The following LHX8 variants were observed in gnomAD, a reference collection of about 807,000 sequenced individuals.
The protein encoded by LHX8 is LIM homeobox 8.
LHX8 carries 12 observed loss-of-function variants against 40.3 expected under a neutral mutation model. The ratio of observed to expected loss-of-function variants is 0.30; its 90% CI spans 0.19 to 0.48. The LOEUF (loss-of-function observed/expected upper bound fraction) is 0.48, where lower values mean the gene tolerates loss of function less well. Among genes scored for constraint, LHX8 ranks in the 20% least tolerant of loss-of-function variants. The pLI is 0.99. For missense variants in LHX8, 344 were observed against 433.7 expected (o/e 0.79, Z 1.84); for synonymous variants, 179 against 162.0 (o/e 1.10, Z -0.80).
rs370428970 is a variant in LHX8 at position 75,157,027 on chromosome 1, C to T, written c.915C>T (p.Tyr305=). 3.8e-5 allele frequency: 62 copies of T among 1,614,046 alleles called. No homozygotes were observed. The highest frequency in any genetic ancestry group is 2.2e-4 in the South Asian group (20 of 91,084). Residue 305 remains tyrosine, a synonymous_variant, in exon 8 of 9, where the codon TAC becomes TAT. Coordinates refer to ENST00000356261, the MANE Select transcript of LHX8 (RefSeq NM_001256114.2). ...TAGAAGAAATGGCTTATTCTGCCTACGTGCCCCAAGATGGAACGATGTTAA... is the reference window on the plus strand; with the variant it reads ...TAGAAGAAATGGCTTATTCTGCCTATGTGCCCCAAGATGGAACGATGTTAA... ...PMLEEMAYSA[Y]VPQDGTMLTA... is the part of the protein sequence containing the mutation.
intron 7 of LHX8, among the ~76,000 whole-genome samples, chr1:75,152,423 A>G (rs1411560847): frequency 6.6e-6 from 1 of 152,166 alleles, no homozygotes; most frequent in Non-Finnish European, 1.5e-5. Context: ...GTGAATTATG[A>G]TTTTTATGTT....
chr1:75,163,274 A>G (rs1043459284), downstream of LHX8, among the ~76,000 whole-genome samples: 5 of 152,166 alleles, frequency 3.3e-5, no homozygotes, highest in Non-Finnish European at 7.4e-5. Context: ...TGTTACAGTC[A>G]TCTGAAAGCT....
downstream of LHX8, among the ~76,000 whole-genome samples, chr1:75,166,205 T>A (rs987657924): frequency 2.0e-5 from 3 of 152,200 alleles, no homozygotes; most frequent in Non-Finnish European, 4.4e-5. Context: ...AGGTGGAGCA[T>A]CTATGCTGCT....
the LHX8 span, among the ~76,000 whole-genome samples, chr1:75,187,454 A>C: frequency 1.3e-5 from 2 of 152,234 alleles, no homozygotes; most frequent in Non-Finnish European, 2.9e-5. Context: ...TGTCCGCAGC[A>C]TACAGGGTAT....
the LHX8 span, among the ~76,000 whole-genome samples, chr1:75,182,279 T>C: frequency 7.2e-5 from 11 of 152,182 alleles, no homozygotes; most frequent in East Asian, 1.9e-4. Flanking sequence ...TTTATGTTTT[T>C]GTTTGCTTTG....
At chr1:75,180,011 A>T in the LHX8 span, among the ~76,000 whole-genome samples, 1 of 152,184 alleles carries the variant, frequency 6.6e-6, no homozygotes, top group African/African-American at 2.4e-5. Context: ...AATGTTGAAT[A>T]TTGGCCCCTA....
At chr1:75,183,439 A>G in the LHX8 span, among the ~76,000 whole-genome samples, 1 of 152,170 alleles carries the variant, frequency 6.6e-6, no homozygotes, top group African/African-American at 2.4e-5. Flanking sequence ...CTCAGCGGAA[A>G]CCTTACAAGC....
the LHX8 span, among the ~76,000 whole-genome samples, chr1:75,185,906 C>A: frequency 6.6e-6 from 1 of 152,060 alleles, no homozygotes; most frequent in Admixed American, 6.6e-5. Context: ...CAATAATAGC[C>A]AAGCCAAGAG....
At chr1:75,167,696 A>C in the LHX8 span, among the ~76,000 whole-genome samples, 1 of 152,172 alleles carries the variant, frequency 6.6e-6, no homozygotes, top group African/African-American at 2.4e-5. Flanking sequence ...TAGAGACCCT[A>C]GACTATTCAT....
chr1:75,138,350 G>A (rs1648211278), intron 3 of LHX8, among the ~76,000 whole-genome samples: 1 of 152,152 alleles, frequency 6.6e-6, no homozygotes, highest in Non-Finnish European at 1.5e-5. Context: ...GTTTCTTTAA[G>A]TTTCTACCTC....
At chr1:75,190,113 A>C in the LHX8 span, among the ~76,000 whole-genome samples, 5 of 152,300 alleles carry the variant, frequency 3.3e-5, no homozygotes, top group African/African-American at 1.2e-4. Context: ...CAGATGAGAT[A>C]ATGGCTAACT....
At chr1:75,155,501 T>A (rs906051653) in intron 7 of LHX8, among the ~76,000 whole-genome samples, 59 of 152,252 alleles carry the variant, frequency 3.9e-4, no homozygotes, top group African/African-American at 1.4e-3. Context: ...CCCAAAGTGC[T>A]GGGATTACAG....
chr1:75,193,183 G>A, the LHX8 span, among the ~76,000 whole-genome samples: 1 of 152,068 alleles, frequency 6.6e-6, no homozygotes, highest in Non-Finnish European at 1.5e-5. Context: ...AGCCCAACCT[G>A]TTTCCCTCCT....
the LHX8 span, among the ~76,000 whole-genome samples, chr1:75,195,034 C>A: frequency 6.6e-6 from 1 of 152,140 alleles, no homozygotes; most frequent in Non-Finnish European, 1.5e-5. Context: ...AAACATAAGT[C>A]TTTAGAGTCT....
intron 6 of LHX8, among the ~76,000 whole-genome samples, chr1:75,148,269 CAATA>C (rs1212041092): frequency 2.6e-5 from 4 of 152,032 alleles, no homozygotes; most frequent in Non-Finnish European, 5.9e-5. Context: ...ATGGAAAAAA[CAATA>C]AATGAAACTC....
chr1:75,173,487 A>G, the LHX8 span, among the ~76,000 whole-genome samples: 1 of 139,630 alleles, frequency 7.2e-6, no homozygotes, highest in Non-Finnish European at 1.5e-5. Flanking sequence ...GGTTCACGCC[A>G]TTCTCCTGCC....
chr1:75,177,808 G>C, the LHX8 span, among the ~76,000 whole-genome samples: 2 of 152,172 alleles, frequency 1.3e-5, no homozygotes, highest in East Asian at 3.9e-4. Flanking sequence ...ACTGGCTGAG[G>C]GTTTGTCATA....
chr1:75,196,066 G>A, the LHX8 span, among the ~76,000 whole-genome samples: 1 of 152,136 alleles, frequency 6.6e-6, no homozygotes, highest in Non-Finnish European at 1.5e-5. Context: ...GAAAGCAATG[G>A]ACAGTGACAA....
chr1:75,144,379 A>G (rs1648405530), intron 6 of LHX8, among the ~76,000 whole-genome samples: 1 of 152,190 alleles, frequency 6.6e-6, no homozygotes, highest in South Asian at 2.1e-4. Flanking sequence ...AACTGCAATG[A>G]GTCATTTAAT....
Sources: allele counts gnomAD v4.1 joint callset (sites outside exome capture counted in the v4.1 genomes callset), GRCh38; gene constraint gnomAD v4.1.1; transcripts MANE v1.5; gene names NCBI Gene and HGNC (gene_info 2026-07-23, HGNC 2026-07-21).